Variants in RBKS observed in about 807,000 individuals in gnomAD.
RBKS encodes the protein ribokinase.
RBKS carries 33 observed loss-of-function variants against 33.9 expected under a neutral mutation model. That is an observed-to-expected ratio of 0.97 (90% CI 0.74 to 1.30). The LOEUF is 1.30. RBKS is among the 50% of genes most tolerant of loss of function. RBKS has a pLI of 0.00. For missense variants in RBKS, 361 were observed against 392.6 expected (o/e 0.92, Z 0.68); for synonymous variants, 125 against 143.0 (o/e 0.87, Z 0.90).
At chr2:27,886,774 C>A (rs1664537480) in intron 1 of RBKS, among the ~76,000 whole-genome samples, 1 of 151,872 alleles carries the variant, frequency 6.6e-6, no homozygotes. Context: ...GATTGGGAGA[C>A]CTGGGTAGTA....
At chr2:27,847,830 C>T (rs544365685) in intron 3 of RBKS, among the ~76,000 whole-genome samples, 1 of 152,328 alleles carries the variant, frequency 6.6e-6, no homozygotes, top group African/African-American at 2.4e-5. Context: ...TTTGTAACCT[C>T]CTATCATTTT....
chr2:27,801,981 TATATA>T (rs1677801325), intron 7 of RBKS, among the ~76,000 whole-genome samples: 1 of 99,946 alleles, frequency 1.0e-5, no homozygotes, highest in African/African-American at 4.3e-5. Flanking sequence ...TATATATATA[TATATA>T]TATATATTTT....
At chr2:27,889,355 C>T (rs1664650370) in intron 1 of RBKS, among the ~76,000 whole-genome samples, 1 of 152,176 alleles carries the variant, frequency 6.6e-6, no homozygotes, top group Non-Finnish European at 1.5e-5. Context: ...TGAGGTGTTA[C>T]TGTAGCATAC....
At chr2:27,809,213 T>C (rs1219713754) in intron 7 of RBKS, among the ~76,000 whole-genome samples, 1 of 152,224 alleles carries the variant, frequency 6.6e-6, no homozygotes, top group Non-Finnish European at 1.5e-5. Context: ...AGAGTGGGCT[T>C]GGGCCAGGAG....
intron 7 of RBKS, among the ~76,000 whole-genome samples, chr2:27,817,867 A>G (rs1284505868): frequency 1.3e-5 from 2 of 152,200 alleles, no homozygotes; most frequent in African/African-American, 2.4e-5. Flanking sequence ...AGAACTCACT[A>G]TCACAAGAAT....
At chr2:27,812,667 T>C (rs1363215980) in intron 7 of RBKS, among the ~76,000 whole-genome samples, 2 of 151,928 alleles carry the variant, frequency 1.3e-5, no homozygotes, top group East Asian at 3.9e-4. Flanking sequence ...TGAGAACACT[T>C]GGACACAGGA....
intron 7 of RBKS, among the ~76,000 whole-genome samples, chr2:27,783,378 C>G (rs561153653): frequency 6.6e-6 from 1 of 152,158 alleles, no homozygotes; most frequent in African/African-American, 2.4e-5. Flanking sequence ...TAAAAATGCA[C>G]GCAGAAAGAG....
intron 7 of RBKS, among the ~76,000 whole-genome samples, chr2:27,801,879 C>G (rs932218004): frequency 5.3e-4 from 77 of 145,450 alleles, no homozygotes; most frequent in African/African-American, 1.9e-3. Context: ...ACTCTGTCAC[C>G]CATGGCTTAC....
chr2:27,846,527 G>A (rs1663623385), intron 4 of RBKS, among the ~76,000 whole-genome samples: 1 of 152,196 alleles, frequency 6.6e-6, no homozygotes, highest in South Asian at 2.1e-4. Flanking sequence ...GGCAGACTTA[G>A]TTGTATATAT....
At chr2:27,820,091 G>A (rs1416056637) in intron 7 of RBKS, among the ~76,000 whole-genome samples, 1 of 152,184 alleles carries the variant, frequency 6.6e-6, no homozygotes, top group Non-Finnish European at 1.5e-5. Flanking sequence ...TACACCCTCA[G>A]AGAAATGATA....
At chr2:27,861,666 G>GGGGT in intron 1 of RBKS, 1 of 431,822 alleles carries the variant, frequency 2.3e-6, no homozygotes, top group Non-Finnish European at 4.8e-6. Flanking sequence ...TTCTTTTTGG[G>GGGGT]GGGGGGGTGG....
At chr2:27,838,117 T>G (rs1341590020) in intron 5 of RBKS, among the ~76,000 whole-genome samples, 1 of 152,064 alleles carries the variant, frequency 6.6e-6, no homozygotes, top group African/African-American at 2.4e-5. Context: ...TAAGAATCAC[T>G]TGAATATGGG....
At chr2:27,850,007 C>A (rs1663707024) in intron 2 of RBKS, among the ~76,000 whole-genome samples, 2 of 152,070 alleles carry the variant, frequency 1.3e-5, no homozygotes, top group African/African-American at 2.4e-5. Context: ...TCTCCCATAC[C>A]CCTCTAATGC....
chr2:27,807,625 G>C (rs1677919672), intron 7 of RBKS, among the ~76,000 whole-genome samples: 1 of 152,084 alleles, frequency 6.6e-6, no homozygotes, highest in Non-Finnish European at 1.5e-5. Flanking sequence ...TCTTGTCTTG[G>C]CCTCACAAAG....
chr2:27,846,700 G>A (rs1325590425), intron 4 of RBKS, among the ~76,000 whole-genome samples: 3 of 152,160 alleles, frequency 2.0e-5, no homozygotes, highest in Non-Finnish European at 4.4e-5. Flanking sequence ...TAACTGAAAT[G>A]ACAGATGAAT....
At position 27,803,211 on chromosome 2, in the gene RBKS, C is replaced by A. The variant is rs1677833048; in HGVS notation, c.796-21423G>T. Among the ~76,000 whole-genome samples, 3 of 152,186 alleles carry A rather than the reference C, an allele frequency of 2.0e-5. 1 individual carries two copies. In the East Asian group the frequency reaches 5.8e-4, roughly 29 times the overall value. On this transcript the variant is annotated intron_variant, in intron 7 of 7. Coordinates refer to ENST00000302188, the MANE Select transcript of RBKS (RefSeq NM_022128.3). ...GATCACATCCTTTCCTGAACCTCAA[C>A]CTTGCAGCCTTCCCTAACCAGGTCA...
intron 7 of RBKS, among the ~76,000 whole-genome samples, chr2:27,818,635 G>C (rs558217710): frequency 1.2e-4 from 19 of 152,350 alleles, no homozygotes; most frequent in Admixed American, 3.3e-4. Context: ...GTTGTTCTGA[G>C]AATGTGAAGT....
chr2:27,868,603 T>C (rs1164174538), intron 1 of RBKS, among the ~76,000 whole-genome samples: 1 of 152,202 alleles, frequency 6.6e-6, no homozygotes, highest in African/African-American at 2.4e-5. Context: ...AATAATTCTA[T>C]ACTAAAAACA....
At chr2:27,857,272 C>A (rs544589571) in intron 2 of RBKS, among the ~76,000 whole-genome samples, 1 of 152,300 alleles carries the variant, frequency 6.6e-6, no homozygotes, top group Non-Finnish European at 1.5e-5. Context: ...TGTGCAGACA[C>A]AGGCTGGCTT....
Sources: allele counts gnomAD v4.1 joint callset (sites outside exome capture counted in the v4.1 genomes callset), GRCh38; gene constraint gnomAD v4.1.1; transcripts MANE v1.5; gene names NCBI Gene and HGNC (gene_info 2026-07-23, HGNC 2026-07-21).